ELOVL6: variants seen among roughly 807,000 people sequenced by gnomAD.
ELOVL6 encodes the protein ELOVL fatty acid elongase 6.
In ELOVL6, 8 loss-of-function variants were observed where a neutral mutation model predicts 31.7. That is an observed-to-expected ratio of 0.25 (90% CI 0.15 to 0.45). ELOVL6 has a LOEUF of 0.45. ELOVL6 is among the 20% of genes least tolerant of loss of function. ELOVL6 has a pLI of 1.00. For synonymous variants in ELOVL6, 101 were observed against 117.7 expected (o/e 0.86, Z 0.92); for missense variants, 126 against 326.4 (o/e 0.39, Z 4.73).
chr4:110,079,213 T>C (rs1274476677), intron 2 of ELOVL6, among the ~76,000 whole-genome samples: 2 of 152,206 alleles, frequency 1.3e-5, no homozygotes, highest in Non-Finnish European at 2.9e-5. Context: ...TATCCAGGAA[T>C]TGAACTCGGC....
intron 1 of ELOVL6, among the ~76,000 whole-genome samples, chr4:110,174,885 C>A (rs1759053667): frequency 6.6e-6 from 1 of 152,078 alleles, no homozygotes; most frequent in Non-Finnish European, 1.5e-5. Context: ...TTATAGAGTG[C>A]AATTAACTCA....
intron 1 of ELOVL6, among the ~76,000 whole-genome samples, chr4:110,134,173 G>C (rs1757745420): frequency 6.6e-6 from 1 of 152,186 alleles, no homozygotes; most frequent in Admixed American, 6.5e-5. Flanking sequence ...GAATGACAAG[G>C]CTTCATTAGG....
intron 1 of ELOVL6, among the ~76,000 whole-genome samples, chr4:110,191,884 C>A (rs1365057285): frequency 6.6e-6 from 1 of 152,108 alleles, no homozygotes; most frequent in Non-Finnish European, 1.5e-5. Flanking sequence ...AACTCTTCCA[C>A]TATCTAAGCT....
intron 2 of ELOVL6, among the ~76,000 whole-genome samples, chr4:110,079,313 AT>A (rs910492774): frequency 6.6e-6 from 1 of 152,348 alleles, no homozygotes; most frequent in African/African-American, 2.4e-5. Flanking sequence ...CACCACACCC[AT>A]TACAAAATTG....
At chr4:110,056,125 G>GGGA (rs958078772) in intron 3 of ELOVL6, among the ~76,000 whole-genome samples, 4 of 141,964 alleles carry the variant, frequency 2.8e-5, no homozygotes, top group Non-Finnish European at 6.0e-5. Flanking sequence ...TGGGAGCTGG[G>GGGA]GGGGGGGATA....
chr4:110,077,713 C>A (rs180791806), intron 2 of ELOVL6, among the ~76,000 whole-genome samples: 1 of 152,174 alleles, frequency 6.6e-6, no homozygotes, highest in Non-Finnish European at 1.5e-5. Flanking sequence ...CAACTCCTCA[C>A]CAGCAATGGA....
At chr4:110,168,410 T>C (rs1248963212) in intron 1 of ELOVL6, among the ~76,000 whole-genome samples, 1 of 152,008 alleles carries the variant, frequency 6.6e-6, no homozygotes, top group Non-Finnish European at 1.5e-5. Context: ...TCCCAGCTAC[T>C]TGGGTGACTG....
At chr4:110,074,064 T>G (rs1755563781) in intron 2 of ELOVL6, among the ~76,000 whole-genome samples, 1 of 152,202 alleles carries the variant, frequency 6.6e-6, no homozygotes. Context: ...ACATAAATTT[T>G]CAACCAACAG....
At chr4:110,145,710 C>T (rs1233645526) in intron 1 of ELOVL6, among the ~76,000 whole-genome samples, 3 of 146,998 alleles carry the variant, frequency 2.0e-5, no homozygotes, top group Admixed American at 6.8e-5. Context: ...AAAAAAAAAA[C>T]ACAAAACAAA....
In ELOVL6 at chr4:110,132,592, C is replaced by T. The variant is rs145391229; in HGVS notation, c.90-26964G>A. On this transcript the variant is annotated intron_variant, in intron 1 of 3. Coordinates refer to ENST00000302274, the MANE Select transcript of ELOVL6 (RefSeq NM_024090.3). ...CTGTAAACCCAGCACTTTGGGAGGCCGAGGTAGACAGATCACTTGAGGTCA... is the reference window on the plus strand; with the variant it reads ...CTGTAAACCCAGCACTTTGGGAGGCTGAGGTAGACAGATCACTTGAGGTCA... 9.3e-3 allele frequency among the ~76,000 whole-genome samples: 1,407 copies of T among 151,674 alleles called. 16 individuals carry two copies. Among genetic ancestry groups the T allele is most frequent in the African/African-American group, 0.031 (1,302 of 41,342 alleles).
chr4:110,193,863 G>C (rs757641623), intron 1 of ELOVL6, among the ~76,000 whole-genome samples: 3 of 152,178 alleles, frequency 2.0e-5, no homozygotes, highest in Admixed American at 6.5e-5. Flanking sequence ...TGCCAGGAGA[G>C]GGGGAGGGTT....
intron 1 of ELOVL6, among the ~76,000 whole-genome samples, chr4:110,110,743 A>G (rs1387778889): frequency 1.3e-5 from 2 of 152,166 alleles, no homozygotes; most frequent in African/African-American, 2.4e-5. Context: ...AGAAATTCTG[A>G]CAAACAATTT....
In ELOVL6 at chr4:110,051,130, G is replaced by C. The variant is rs1365053471; in HGVS notation, c.*208C>G. ...CTTCCAGCAGCAGTGCTTGGAGATG[G>C]AGGTGCACTCAGTGAGTCCTCACCC... On this transcript the variant is annotated 3_prime_UTR_variant, in exon 4 of 4. Coordinates refer to ENST00000302274, the MANE Select transcript of ELOVL6 (RefSeq NM_024090.3). This position sits in a 1 kb window ranked among gnomAD's most constrained non-coding sequence, Gnocchi z 4.8. 1.8e-6 allele frequency: 1 copy of C among 570,770 alleles called. No individual in the cohort carries two copies. The highest frequency in any genetic ancestry group is 1.9e-5 in the African/African-American group (1 of 53,336). The allele number at this position is 570,770 out of a possible 1,614,324, so 35.4% of individuals were successfully genotyped here. A position where few individuals can be genotyped will look rare whatever the true frequency, so the allele number is the denominator to read the frequency against.
intron 2 of ELOVL6, among the ~76,000 whole-genome samples, chr4:110,102,512 A>T (rs1403959262): frequency 1.3e-5 from 2 of 152,110 alleles, no homozygotes; most frequent in Non-Finnish European, 2.9e-5. Context: ...TATAGAAACT[A>T]GCTGGCCGTG....
Position 110,094,420 on chromosome 4 carries a change from T to G in ELOVL6, c.221+11077A>C, listed in dbSNP as rs1578476270. Among the ~76,000 whole-genome samples the G allele has an allele frequency of 7.3e-5, 4 of 54,878 alleles. No individual in the cohort carries two copies. The East Asian group carries it at 2.3e-3, about 32-fold the overall frequency. The allele number at this position is 54,878 out of a possible 152,430, so 36.0% of individuals were successfully genotyped here. On this transcript the variant is annotated intron_variant, in intron 2 of 3. Transcript: ENST00000302274. Reference sequence around the variant, plus strand: ...TTAAAAAGAAATATATATATATATATATATATATATATATATATATATAAT... The same window carrying G: ...TTAAAAAGAAATATATATATATATAGATATATATATATATATATATATAAT...
intron 1 of ELOVL6, among the ~76,000 whole-genome samples, chr4:110,134,811 T>A (rs1757769804): frequency 6.6e-6 from 1 of 152,014 alleles, no homozygotes; most frequent in Admixed American, 6.6e-5. Flanking sequence ...AATTTTAAAA[T>A]TAGCTGGGCT....
chr4:110,177,000 G>A (rs1028113159), intron 1 of ELOVL6, among the ~76,000 whole-genome samples: 6 of 152,228 alleles, frequency 3.9e-5, no homozygotes, highest in Non-Finnish European at 7.3e-5. Flanking sequence ...CTCCCAAAGT[G>A]CGAGATTACA....
rs901166159 is a variant in ELOVL6 at position 110,049,759 on chromosome 4, T to C, written c.*1579A>G. On this transcript the variant is annotated 3_prime_UTR_variant, in exon 4 of 4. Transcript: ENST00000302274. ...CTAGTTTGCCTAATCATTAAGCTAC[T>C]TAACCAATTATAATACTATTATGTC... 1.3e-4 allele frequency: 20 copies of C among 150,752 alleles called. No individual in the cohort carries two copies. Among genetic ancestry groups the C allele is most frequent in the African/African-American group, 4.9e-4 (20 of 40,596 alleles). The allele number at this position is 150,752 out of a possible 1,614,324, so 9.3% of individuals were successfully genotyped here.
At chr4:110,141,248 A>C (rs1757945217) in intron 1 of ELOVL6, among the ~76,000 whole-genome samples, 1 of 152,036 alleles carries the variant, frequency 6.6e-6, no homozygotes, top group Admixed American at 6.6e-5. Context: ...TTTTTAGTAG[A>C]GACATGGTTT....
Sources: allele counts gnomAD v4.1 joint callset (sites outside exome capture counted in the v4.1 genomes callset), GRCh38; gene constraint gnomAD v4.1.1; non-coding constraint Gnocchi (gnomAD v3.1); transcripts MANE v1.5; gene names NCBI Gene and HGNC (gene_info 2026-07-23, HGNC 2026-07-21).